The following WDPCP variants were observed in gnomAD, a reference collection of about 807,000 sequenced individuals.
The protein encoded by WDPCP is WD repeat containing planar cell polarity effector, also known as WD repeat-containing and planar cell polarity effector protein fritz homolog.
A neutral mutation model predicts 93.1 loss-of-function variants in WDPCP; 71 were observed. The observed-to-expected ratio is 0.76, with a 90% CI of 0.63 to 0.93. WDPCP has a LOEUF of 0.93. Among genes scored for constraint, WDPCP ranks in the 40% least tolerant of loss-of-function variants. WDPCP has a pLI of 0.00. For missense variants in WDPCP, 844 were observed against 887.4 expected (o/e 0.95, Z 0.62); for synonymous variants, 315 against 315.0 (o/e 1.00, Z 0.00).
At chr2:63,622,688 C>T in intron 3 of WDPCP, 1 of 1,613,838 alleles carries the variant, frequency 6.2e-7, no homozygotes, top group Non-Finnish European at 8.5e-7. Flanking sequence ...ACAGCAGTTT[C>T]TGGTCAGGGG....
chr2:63,138,066 A>G (rs1469619848), intron 17 of WDPCP, among the ~76,000 whole-genome samples: 1 of 91,512 alleles, frequency 1.1e-5, no homozygotes, highest in Non-Finnish European at 2.1e-5. Flanking sequence ...TAGGTTCCAT[A>G]TGATTTTTTT....
At chr2:63,129,259 C>A (rs928694928) in intron 17 of WDPCP, among the ~76,000 whole-genome samples, 4 of 152,116 alleles carry the variant, frequency 2.6e-5, no homozygotes, top group African/African-American at 9.7e-5. Flanking sequence ...AATATCTGTT[C>A]TTGTCCTTGC....
intron 10 of WDPCP, among the ~76,000 whole-genome samples, chr2:63,395,446 C>T (rs1056705807): frequency 9.2e-5 from 14 of 152,126 alleles, no homozygotes; most frequent in Non-Finnish European, 1.8e-4. Flanking sequence ...CACGTGTACC[C>T]ACTGTTTAGC....
chr2:63,540,705 T>C (rs1055435916), intron 1 of WDPCP, among the ~76,000 whole-genome samples: 5 of 152,200 alleles, frequency 3.3e-5, no homozygotes, highest in African/African-American at 7.2e-5. Context: ...TTAAATTCTA[T>C]ATTTCAGTTT....
chr2:63,355,660 A>C (rs1320546530), intron 12 of WDPCP, among the ~76,000 whole-genome samples: 1 of 152,092 alleles, frequency 6.6e-6, no homozygotes, highest in Non-Finnish European at 1.5e-5. Context: ...CAGGTGGATC[A>C]CTTGAGGTCA....
At chr2:63,807,736 C>G (rs1252407063) in intron 2 of WDPCP, among the ~76,000 whole-genome samples, 1 of 152,126 alleles carries the variant, frequency 6.6e-6, no homozygotes, top group Non-Finnish European at 1.5e-5. Flanking sequence ...TCTCACTTCT[C>G]AAATTGTGAA....
At chr2:63,668,888 GT>G (rs1575743049) in intron 2 of WDPCP, among the ~76,000 whole-genome samples, 1 of 152,228 alleles carries the variant, frequency 6.6e-6, no homozygotes, top group East Asian at 1.9e-4. Context: ...CCATATATTA[GT>G]GCTTGGTGTA....
intron 14 of WDPCP, among the ~76,000 whole-genome samples, chr2:63,195,594 A>C (rs1047134521): frequency 2.6e-5 from 4 of 152,128 alleles, no homozygotes; most frequent in African/African-American, 9.7e-5. Context: ...AAAGGGTTAT[A>C]GGCGTGAGCC....
chr2:63,550,918 C>A (rs966294169), intron 1 of WDPCP, among the ~76,000 whole-genome samples: 4 of 151,998 alleles, frequency 2.6e-5, no homozygotes, highest in African/African-American at 7.3e-5. Context: ...CTTCACCAGG[C>A]AAACCTGTCT....
chr2:63,415,674 A>G (rs1333837955), intron 9 of WDPCP, among the ~76,000 whole-genome samples: 1 of 152,224 alleles, frequency 6.6e-6, no homozygotes, highest in Admixed American at 6.5e-5. Flanking sequence ...AGCATAGGTA[A>G]CTAATAAGTT....
intron 13 of WDPCP, among the ~76,000 whole-genome samples, chr2:63,269,027 CT>C (rs917934711): frequency 1.7e-4 from 26 of 148,594 alleles, no homozygotes; most frequent in Admixed American, 4.0e-4. Flanking sequence ...GATGTTTAGT[CT>C]TTTTTTTTTA....
intron 14 of WDPCP, among the ~76,000 whole-genome samples, chr2:63,235,804 G>T (rs1160393665): frequency 1.3e-5 from 2 of 151,996 alleles, no homozygotes; most frequent in Non-Finnish European, 2.9e-5. Flanking sequence ...CATCCTTCTT[G>T]ATAAAAACCC....
intron 13 of WDPCP, among the ~76,000 whole-genome samples, chr2:63,270,734 A>C (rs1682570652): frequency 6.6e-6 from 1 of 152,150 alleles, no homozygotes; most frequent in African/African-American, 2.4e-5. Context: ...TGAGAGGTTT[A>C]TAAGCAGTCT....
chr2:63,732,663 TTTTA>T (rs1300778594), intron 2 of WDPCP, among the ~76,000 whole-genome samples: 1 of 152,212 alleles, frequency 6.6e-6, no homozygotes, highest in East Asian at 1.9e-4. Context: ...TTACAAAATG[TTTTA>T]TTTATTTAAG....
intron 2 of WDPCP, among the ~76,000 whole-genome samples, chr2:63,799,468 C>A (rs746996002): frequency 6.6e-6 from 1 of 152,170 alleles, no homozygotes; most frequent in South Asian, 2.1e-4. Flanking sequence ...GCCTTGACTT[C>A]AGTCTTTCCT....
chr2:63,508,322 A>C (rs967145313), intron 1 of WDPCP, among the ~76,000 whole-genome samples: 48 of 152,192 alleles, frequency 3.2e-4, no homozygotes, highest in African/African-American at 1.1e-3. Flanking sequence ...AGAATTTCAT[A>C]TGCAACCAAA....
chr2:63,187,892 C>T (rs1039565040), intron 14 of WDPCP, among the ~76,000 whole-genome samples: 1 of 152,172 alleles, frequency 6.6e-6, no homozygotes, highest in African/African-American at 2.4e-5. Flanking sequence ...TGTCTAGTAA[C>T]ATTGACTAAA....
At chr2:63,297,568 TACA>T (rs1684967412) in intron 13 of WDPCP, among the ~76,000 whole-genome samples, 1 of 152,084 alleles carries the variant, frequency 6.6e-6, no homozygotes, top group Admixed American at 6.6e-5. Flanking sequence ...CAATACAAAC[TACA>T]ACAACAAAAA....
At chr2:63,509,446 A>G (rs978727543) in intron 1 of WDPCP, among the ~76,000 whole-genome samples, 1 of 152,240 alleles carries the variant, frequency 6.6e-6, no homozygotes, top group Admixed American at 6.5e-5. Context: ...GTTTAGAGGA[A>G]AATTTATAGC....
Sources: gnomAD v4.1 joint callset for allele counts (sites outside exome capture counted in the v4.1 genomes callset) on GRCh38, gnomAD v4.1.1 for gene constraint, MANE v1.5 for transcripts, NCBI Gene and HGNC (gene_info 2026-07-23, HGNC 2026-07-21) for gene names.